CFAP300: variants seen among roughly 807,000 people sequenced by gnomAD.
CFAP300 encodes cilia- and flagella-associated protein 300.
A neutral mutation model predicts 33.0 loss-of-function variants in CFAP300; 32 were observed. The ratio of observed to expected loss-of-function variants is 0.97; its 90% CI spans 0.73 to 1.30. CFAP300 has a LOEUF of 1.30. Among genes scored for constraint, CFAP300 ranks in the 50% most tolerant of loss-of-function variants. CFAP300 has a pLI of 0.00. For missense variants in CFAP300, 356 were observed against 318.1 expected (o/e 1.12, Z -0.90); for synonymous variants, 102 against 106.8 (o/e 0.95, Z 0.28).
At chr11:102,082,870 GC>G (rs940868450) in intron 6 of CFAP300, among the ~76,000 whole-genome samples, 200 bp from the exon 7 acceptor site, 2 of 152,100 alleles carry the variant, frequency 1.3e-5, no homozygotes, top group African/African-American at 2.4e-5. Context: ...GGTGGCACAT[GC>G]CTGTAATCCC....
chr11:102,079,738 CATT>C (rs1942447676), intron 5 of CFAP300, among the ~76,000 whole-genome samples: 2 of 152,160 alleles, frequency 1.3e-5, no homozygotes, highest in Admixed American at 1.3e-4. Context: ...ACATGTCACA[CATT>C]AATAATACCT....
chr11:102,054,310 T>C (rs760138412), intron 2 of CFAP300, among the ~76,000 whole-genome samples: 2 of 152,230 alleles, frequency 1.3e-5, no homozygotes, highest in Non-Finnish European at 2.9e-5. Flanking sequence ...CATGTTACTA[T>C]CTCCTCTCTT....
chr11:102,066,502 A>G lies in CFAP300; in HGVS notation c.286A>G (p.Ile96Val), dbSNP rs1942227663. 6.3e-7 allele frequency: 1 copy of G among 1,590,832 alleles called. No individual in the cohort carries two copies. Among genetic ancestry groups the G allele is most frequent in the Non-Finnish European group, 8.5e-7 (1 of 1,171,974 alleles). ...TTTTTCAGGAACTGAAGTGAAAAAA[A>G]TTGAAGCTATAAATGTTCCTTGCAC... is the stretch of plus-strand genomic sequence containing the variant. ...WIILGTEVKK[I>V]EAINVPCTQL... The change falls in exon 4 of 7, where the codon ATT (isoleucine) becomes GTT (valine). Residue 96 changes from isoleucine to valine, a missense_variant. Coordinates refer to ENST00000434758, the MANE Select transcript of CFAP300 (RefSeq NM_032930.3).
Position 102,076,171 on chromosome 11 carries a change from A to G in CFAP300, c.608+126A>G, listed in dbSNP as rs1376428439. 11 of 1,045,036 alleles carry G rather than the reference A, an allele frequency of 1.1e-5. No homozygotes were observed. In the Admixed American group the frequency reaches 2.4e-4, roughly 23 times the overall value. The allele number at this position is 1,045,036 out of a possible 1,614,324, so 64.7% of individuals were successfully genotyped here. On this transcript the variant is annotated intron_variant, in intron 5 of 6. Transcript: ENST00000434758. ...ACAACCAAAGCATATAAAAAGCTCT[A>G]CCCTTACCCCCCTCTCATAACCTTC...
At position 102,066,617 on chromosome 11, in the gene CFAP300, G is replaced by C. The variant is rs1445557934; in HGVS notation, c.401G>C (p.Cys134Ser). The C allele has an allele frequency of 1.2e-6, 2 of 1,607,816 alleles. No individual in the cohort carries two copies. Among genetic ancestry groups the C allele is most frequent in the East Asian group, 2.2e-5 (1 of 44,530 alleles). Residue 134 changes from cysteine (C) to serine (S), a missense_variant, in exon 4 of 7, where the codon TGT (cysteine) becomes TCT (serine). Physicochemically the swap from Cys to Ser is moderately radical, Grantham distance 112 (BLOSUM62 -1). Coordinates refer to ENST00000434758, the MANE Select transcript of CFAP300 (RefSeq NM_032930.3). ...GHIVKCLDSFCDPFLISDELR... is the reference protein window; with the variant it reads ...GHIVKCLDSFSDPFLISDELR... ...ATTGTTAAATGTTTAGATTCTTTTT[G>C]TGATCCATTTCTCATTTCTGATGAG...
intron 5 of CFAP300, among the ~76,000 whole-genome samples, chr11:102,080,726 T>C (rs1942462020): frequency 6.6e-6 from 1 of 152,134 alleles, no homozygotes; most frequent in Admixed American, 6.5e-5. Context: ...ATACATTATC[T>C]CATTTGATTT....
intron 2 of CFAP300, among the ~76,000 whole-genome samples, chr11:102,056,757 G>A (rs1057264596): frequency 6.6e-6 from 1 of 151,964 alleles, no homozygotes; most frequent in Non-Finnish European, 1.5e-5. Context: ...CCGGGTAGCT[G>A]GAATTACAGG....
intron 2 of CFAP300, among the ~76,000 whole-genome samples, chr11:102,051,160 G>T (rs908288290): frequency 2.6e-5 from 4 of 152,222 alleles, no homozygotes; most frequent in Middle Eastern, 3.4e-3. Context: ...AAACATGGAA[G>T]AATTACAAGG....
Position 102,074,776 on chromosome 11 carries a change from T to C in CFAP300, c.436-1097T>C, listed in dbSNP as rs146787442. On this transcript the variant is annotated intron_variant, in intron 4 of 6. Coordinates refer to ENST00000434758, the MANE Select transcript of CFAP300 (RefSeq NM_032930.3). ...GTGCAGTGGTGCAGTCACAGTTCGC[T>C]GCAGCTTCAATCATCTTCTGAGCTC... Among the ~76,000 whole-genome samples the C allele has an allele frequency of 8.6e-5, 13 of 151,958 alleles. No individual in the cohort carries two copies. The East Asian group carries it at 2.1e-3, about 25-fold the overall frequency.
chr11:102,059,365 A>T (rs1042010558), intron 3 of CFAP300, among the ~76,000 whole-genome samples: 1 of 151,616 alleles, frequency 6.6e-6, no homozygotes, highest in African/African-American at 2.4e-5. Flanking sequence ...AGTGTAGCCA[A>T]GGGCCAGGCA....
chr11:102,062,083 C>T (rs1031072288), intron 3 of CFAP300, among the ~76,000 whole-genome samples: 1 of 152,086 alleles, frequency 6.6e-6, no homozygotes, highest in African/African-American at 2.4e-5. Flanking sequence ...GTGGGGCCCT[C>T]ATGGTGGGAT....
At chr11:102,081,916 T>G (rs1013618812) in intron 6 of CFAP300, among the ~76,000 whole-genome samples, 3 of 148,118 alleles carry the variant, frequency 2.0e-5, no homozygotes, top group Admixed American at 6.8e-5. Flanking sequence ...AAGAATGCCA[T>G]AAATGTGTCT....
intron 3 of CFAP300, among the ~76,000 whole-genome samples, chr11:102,063,417 G>A (rs1304184224): frequency 2.6e-5 from 4 of 152,252 alleles, no homozygotes; most frequent in South Asian, 2.1e-4. Flanking sequence ...TTCTTCACAG[G>A]TTTACAGCTG....
chr11:102,065,610 A>G (rs1459982229), intron 3 of CFAP300, among the ~76,000 whole-genome samples: 1 of 151,834 alleles, frequency 6.6e-6, no homozygotes, highest in South Asian at 2.1e-4. Context: ...CTACTAAAAA[A>G]TACAAAATTA....
chr11:102,071,474 A>G (rs1169182823), intron 4 of CFAP300, among the ~76,000 whole-genome samples: 1 of 152,024 alleles, frequency 6.6e-6, no homozygotes, highest in Non-Finnish European at 1.5e-5. Flanking sequence ...TACTTCTGTC[A>G]TTTTGTTAAT....
rs151301788 is a variant in CFAP300 at position 102,048,719 on chromosome 11, A to G, written c.192+823A>G. Among the ~76,000 whole-genome samples the G allele has an allele frequency of 8.8e-3, 1,338 of 152,320 alleles. 67 individuals carry two copies. Among genetic ancestry groups the G allele is most frequent in the Admixed American group, 0.08 (1,229 of 15,296 alleles). Reference sequence around the variant, plus strand: ...GATTTGAATAAGTCTTTTGACTACTAGAGGTGACTACTTTGAGAGAGGTAA... The same window carrying G: ...GATTTGAATAAGTCTTTTGACTACTGGAGGTGACTACTTTGAGAGAGGTAA... On this transcript the variant is annotated intron_variant, in intron 2 of 6. Coordinates refer to ENST00000434758, the MANE Select transcript of CFAP300 (RefSeq NM_032930.3).
At chr11:102,056,372 A>T (rs1163062017) in intron 2 of CFAP300, among the ~76,000 whole-genome samples, 1 of 152,238 alleles carries the variant, frequency 6.6e-6, no homozygotes. Context: ...ATTGTTCAAG[A>T]TAATAGCAAA....
intron 2 of CFAP300, among the ~76,000 whole-genome samples, chr11:102,048,727 C>T (rs551311287): frequency 6.6e-6 from 1 of 152,202 alleles, no homozygotes; most frequent in South Asian, 2.1e-4. Context: ...CTAGAGGTGA[C>T]TACTTTGAGA....
intron 4 of CFAP300, among the ~76,000 whole-genome samples, chr11:102,074,507 T>A (rs1347684950): frequency 6.6e-6 from 1 of 152,180 alleles, no homozygotes; most frequent in African/African-American, 2.4e-5. Flanking sequence ...AGATGCCCTC[T>A]TTGAAGTGTG....
Sources: allele counts gnomAD v4.1 joint callset (sites outside exome capture counted in the v4.1 genomes callset), GRCh38; gene constraint gnomAD v4.1.1; transcripts MANE v1.5; gene names NCBI Gene and HGNC (gene_info 2026-07-23, HGNC 2026-07-21).